TTBK2: variants seen among roughly 807,000 people sequenced by gnomAD.
The protein encoded by TTBK2 is tau tubulin kinase 2.
A neutral mutation model predicts 110.8 loss-of-function variants in TTBK2; 28 were observed. The ratio of observed to expected loss-of-function variants is 0.25; its 90% CI spans 0.19 to 0.35. The LOEUF (loss-of-function observed/expected upper bound fraction) is 0.35, where lower values mean the gene tolerates loss of function less well. Ranked by LOEUF, TTBK2 falls within the 10% of genes least tolerant of loss-of-function variation. The probability of loss-of-function intolerance (pLI) is 1.00; values close to 1 mark genes in which losing one functional copy is unlikely to be tolerated. For synonymous variants in TTBK2, 532 were observed against 527.3 expected (o/e 1.01, Z -0.12); for missense variants, 1,369 against 1,500.3 (o/e 0.91, Z 1.45).
chr15:42,763,538 T>C (rs72713767), intron 13 of TTBK2, among the ~76,000 whole-genome samples: 4,377 of 151,888 alleles, frequency 0.029, 106 homozygotes, highest in Non-Finnish European at 0.044. Flanking sequence ...TTCAAATAGA[T>C]AGAAGAAAGG....
intron 1 of TTBK2, among the ~76,000 whole-genome samples, chr15:42,881,100 G>A (rs1596017515): frequency 6.6e-6 from 1 of 151,542 alleles, no homozygotes; most frequent in African/African-American, 2.4e-5. Flanking sequence ...TGGGCATTAT[G>A]GCAAGACCCT....
Position 42,794,663 on chromosome 15 carries a change from A to T in TTBK2, c.961T>A (p.Leu321Met). The change falls in exon 10 of 15, where the codon TTG becomes ATG. Residue 321 changes from leucine (L) to methionine (M), a missense_variant. Around this residue, in one of 4 missense-constraint regions of TTBK2, gnomAD observed 1,097 missense variants for 1,114.7 expected, o/e 0.98. Coordinates refer to ENST00000267890, the MANE Select transcript of TTBK2 (RefSeq NM_173500.4). ...TSTTPQLHTRLTPAAIGIANA... is the reference protein window; with the variant it reads ...TSTTPQLHTRMTPAAIGIANA... ...ACATACCCAATTGCAGCAGGGGTCA[A>T]GCGAGTGTGCAACTGAGGGGTGGTA... 6.2e-7 allele frequency: 1 copy of T among 1,614,176 alleles called. No individual in the cohort carries two copies. The highest frequency in any genetic ancestry group is 8.5e-7 in the Non-Finnish European group (1 of 1,180,032).
At chr15:42,839,543 G>C (rs1287995841) in intron 4 of TTBK2, among the ~76,000 whole-genome samples, 1 of 152,196 alleles carries the variant, frequency 6.6e-6, no homozygotes, top group East Asian at 1.9e-4. Flanking sequence ...CACAGTAGCT[G>C]AACTAATTTA....
chr15:42,836,433 C>T (rs144997246), intron 4 of TTBK2, among the ~76,000 whole-genome samples: 3 of 152,136 alleles, frequency 2.0e-5, no homozygotes, highest in Admixed American at 1.3e-4. Flanking sequence ...TATGCTCTAG[C>T]GGTTATACCA....
chr15:42,896,462 C>T (rs893315419), intron 1 of TTBK2, among the ~76,000 whole-genome samples: 10 of 152,010 alleles, frequency 6.6e-5, no homozygotes, highest in African/African-American at 2.4e-4. Context: ...CAAAATGTAA[C>T]TCATAATGTA....
At chr15:42,746,887 A>C (rs1234817430) in intron 14 of TTBK2, among the ~76,000 whole-genome samples, 1 of 152,024 alleles carries the variant, frequency 6.6e-6, no homozygotes, top group Non-Finnish European at 1.5e-5. Context: ...TATTCCTGTC[A>C]ATAGTCTGGG....
Position 42,743,042 on chromosome 15 carries a change from G to A in TTBK2, c.*2753C>T, listed in dbSNP as rs141768289. 510 of 152,260 alleles carry A rather than the reference G, an allele frequency of 3.3e-3. No homozygotes were observed. Among genetic ancestry groups the A allele is most frequent in the African/African-American group, 0.012 (492 of 41,538 alleles). The allele number at this position is 152,260 out of a possible 1,614,324, so 9.4% of individuals were successfully genotyped here. On this transcript the variant is annotated 3_prime_UTR_variant, in exon 15 of 15. Coordinates refer to ENST00000267890, the MANE Select transcript of TTBK2 (RefSeq NM_173500.4). ...ACATCTAAAAGCGCAAACTATGCTTGTAAAAACCAAAAAGTAAATCTCTAC... is the reference window on the plus strand; with the variant it reads ...ACATCTAAAAGCGCAAACTATGCTTATAAAAACCAAAAAGTAAATCTCTAC...
chr15:42,782,052 C>T (rs1206677906), intron 11 of TTBK2, among the ~76,000 whole-genome samples: 1 of 151,916 alleles, frequency 6.6e-6, no homozygotes, highest in Non-Finnish European at 1.5e-5. Context: ...AAGCTCTATC[C>T]ATGCACTTTT....
intron 9 of TTBK2, chr15:42,801,779 A>G: frequency 1.2e-6 from 1 of 815,974 alleles, no homozygotes; most frequent in Non-Finnish European, 2.2e-6. Flanking sequence ...TTCAGGGAAG[A>G]CTCCAGCTCC....
At chr15:42,806,673 T>C (rs1311606244) in intron 9 of TTBK2, among the ~76,000 whole-genome samples, 3 of 152,212 alleles carry the variant, frequency 2.0e-5, no homozygotes, top group African/African-American at 7.2e-5. Context: ...CCTCTTATTT[T>C]TGCTCTTCAC....
intron 9 of TTBK2, among the ~76,000 whole-genome samples, chr15:42,797,953 G>A (rs1281546614): frequency 2.0e-5 from 3 of 151,816 alleles, no homozygotes; most frequent in African/African-American, 4.8e-5. Context: ...GTGCGATCTC[G>A]GCTCACTGCA....
At chr15:42,827,818 C>T in intron 6 of TTBK2, 110 bp downstream of exon 6, 1 of 879,952 alleles carries the variant, frequency 1.1e-6, no homozygotes, top group Non-Finnish European at 1.8e-6. Flanking sequence ...GTATATGCCA[C>T]TTCTTAGATA....
chr15:42,901,615 TAA>T (rs770303940), intron 1 of TTBK2, among the ~76,000 whole-genome samples: 26 of 117,224 alleles, frequency 2.2e-4, no homozygotes, highest in Admixed American at 1.8e-4. Flanking sequence ...ACCTCGTCTC[TAA>T]AAAAAAAAAA....
At chr15:42,883,449 CT>C (rs1895126507) in intron 1 of TTBK2, among the ~76,000 whole-genome samples, 1 of 150,222 alleles carries the variant, frequency 6.7e-6, no homozygotes, top group Admixed American at 6.6e-5. Flanking sequence ...GGTTAGGTTT[CT>C]GCGTTATTTT....
rs1250920828 is a variant in TTBK2 at position 42,763,137 on chromosome 15, TAC to T, written c.1999-9892_1999-9891del. Among the ~76,000 whole-genome samples, 397 of 88,084 alleles carry T rather than the reference TAC, an allele frequency of 4.5e-3. 19 individuals are homozygous for T. Among genetic ancestry groups the T allele is most frequent in the African/African-American group, 0.022 (333 of 15,486 alleles). The allele number at this position is 88,084 out of a possible 152,430, so 57.8% of individuals were successfully genotyped here. On this transcript the variant is annotated intron_variant, in intron 13 of 14. Transcript: ENST00000267890. ...ATATATACACATATATATACATATATACATACATATATATATATACATATATA... is the reference window on the plus strand; with the variant it reads ...ATATATACACATATATATACATATATATACATATATATATATACATATATA...
rs1376821344 is a variant in TTBK2, at chr15:42,743,108, T to A, written c.*2687A>T. Reference sequence around the variant, plus strand: ...TAAGCAGACCTATTGATACCACTTATATATAATTAGTCTGTTTTCTTTAGA... The same window carrying A: ...TAAGCAGACCTATTGATACCACTTAAATATAATTAGTCTGTTTTCTTTAGA... On this transcript the variant is annotated 3_prime_UTR_variant, in exon 15 of 15. Coordinates refer to ENST00000267890, the MANE Select transcript of TTBK2 (RefSeq NM_173500.4). The A allele has an allele frequency of 6.6e-6, 1 of 152,218 alleles. No homozygotes were observed. Among genetic ancestry groups the A allele is most frequent in the East Asian group, 1.9e-4 (1 of 5,202 alleles). 9.4% of individuals were successfully genotyped at this position (152,218 alleles called of 1,614,324 possible).
intron 10 of TTBK2, among the ~76,000 whole-genome samples, chr15:42,788,079 G>C (rs902619582): frequency 6.6e-6 from 1 of 152,008 alleles, no homozygotes; most frequent in Non-Finnish European, 1.5e-5. Flanking sequence ...AAAAGGTAGA[G>C]TAAAACTACA....
intron 12 of TTBK2, among the ~76,000 whole-genome samples, chr15:42,776,197 T>C (rs1009489094): frequency 6.6e-6 from 1 of 152,194 alleles, no homozygotes; most frequent in Non-Finnish European, 1.5e-5. Context: ...AGTGGCTGAA[T>C]TGTCTTGGGA....
At chr15:42,814,466 A>G (rs1891857689) in intron 7 of TTBK2, among the ~76,000 whole-genome samples, 1 of 152,020 alleles carries the variant, frequency 6.6e-6, no homozygotes, top group South Asian at 2.1e-4. Flanking sequence ...GGTCCTAGCT[A>G]CTGAGAAGGC....
Sources: gnomAD v4.1 joint callset for allele counts (sites outside exome capture counted in the v4.1 genomes callset) on GRCh38, gnomAD v4.1.1 for gene constraint, gnomAD v4.1.1 regional missense constraint, MANE v1.5 for transcripts, NCBI Gene and HGNC (gene_info 2026-07-23, HGNC 2026-07-21) for gene names.